The following CATSPERT variants were observed in gnomAD, a reference collection of about 807,000 sequenced individuals.
CATSPERT encodes cation channel sperm-associated targeting subunit tau.
the CATSPERT span, among the ~76,000 whole-genome samples, chr2:201,604,178 AG>A: frequency 6.6e-6 from 1 of 150,774 alleles, no homozygotes; most frequent in Non-Finnish European, 1.5e-5. Flanking sequence ...TGAAAGAGAG[AG>A]GGGGGTGTTT....
At chr2:201,508,438 G>T in the CATSPERT span, among the ~76,000 whole-genome samples, 2 of 152,084 alleles carry the variant, frequency 1.3e-5, no homozygotes, top group Non-Finnish European at 2.9e-5. Flanking sequence ...CTACAATTGT[G>T]GTTTTTTTCC....
chr2:201,575,301 T>C, the CATSPERT span: 1 of 1,594,116 alleles, frequency 6.3e-7, no homozygotes, highest in South Asian at 1.2e-5. Flanking sequence ...ATGCAACACT[T>C]GGACCTCTTC....
chr2:201,599,590 C>T, the CATSPERT span, among the ~76,000 whole-genome samples: 1 of 152,024 alleles, frequency 6.6e-6, no homozygotes, highest in African/African-American at 2.4e-5. Context: ...TTTTTAATTT[C>T]CCTGTAGTTA....
chr2:201,552,437 T>G, the CATSPERT span, among the ~76,000 whole-genome samples: 1 of 152,138 alleles, frequency 6.6e-6, no homozygotes, highest in African/African-American at 2.4e-5. Flanking sequence ...TAGATTGAGG[T>G]TGCCCACCAT....
chr2:201,601,249 C>T, the CATSPERT span, among the ~76,000 whole-genome samples: 5 of 146,610 alleles, frequency 3.4e-5, no homozygotes, highest in African/African-American at 1.3e-4. Context: ...GCCTCAGTTT[C>T]TTCATCCGTA....
chr2:201,494,728 G>T, the CATSPERT span: 1 of 1,518,110 alleles, frequency 6.6e-7, no homozygotes, highest in South Asian at 1.2e-5. Context: ...CCTTAGAAAA[G>T]GATCAAAACC....
chr2:201,540,904 T>C, the CATSPERT span, among the ~76,000 whole-genome samples: 1 of 152,206 alleles, frequency 6.6e-6, no homozygotes, highest in East Asian at 1.9e-4. Flanking sequence ...CTAGATGCCA[T>C]TAAGGACATT....
At chr2:201,602,169 GTATATGCAATATATAGTTGAAA>G in the CATSPERT span, among the ~76,000 whole-genome samples, 1 of 151,920 alleles carries the variant, frequency 6.6e-6, no homozygotes, top group African/African-American at 2.4e-5. Context: ...AGGTGACTAA[GTATATGCAATATATAGTTGAAA>G]TTTTTCCTAA....
the CATSPERT span, among the ~76,000 whole-genome samples, chr2:201,516,483 A>G: frequency 6.6e-6 from 1 of 152,040 alleles, no homozygotes; most frequent in African/African-American, 2.4e-5. Context: ...CTATCAGGAG[A>G]ACAGCACGGG....
At chr2:201,586,366 A>G in the CATSPERT span, among the ~76,000 whole-genome samples, 1 of 152,218 alleles carries the variant, frequency 6.6e-6, no homozygotes, top group African/African-American at 2.4e-5. Flanking sequence ...AGGAAAGAAG[A>G]AAAAAATAAT....
the CATSPERT span, among the ~76,000 whole-genome samples, chr2:201,608,387 AT>A: frequency 6.6e-6 from 1 of 152,072 alleles, no homozygotes; most frequent in Non-Finnish European, 1.5e-5. Flanking sequence ...TTTTTTTAAA[AT>A]TTTGGTAGAG....
the CATSPERT span, among the ~76,000 whole-genome samples, chr2:201,526,973 C>T: frequency 6.6e-6 from 1 of 152,124 alleles, no homozygotes; most frequent in African/African-American, 2.4e-5. Context: ...TCAAACTATC[C>T]CTTTTTGCAG....
chr2:201,491,022 C>A, the CATSPERT span: 5 of 712,658 alleles, frequency 7.0e-6, no homozygotes, highest in Non-Finnish European at 1.1e-5. Flanking sequence ...CACACCTGGT[C>A]TTTCAGAGGA....
the CATSPERT span, among the ~76,000 whole-genome samples, chr2:201,524,143 A>C: frequency 7.6e-4 from 115 of 152,282 alleles, 1 homozygote; most frequent in African/African-American, 2.6e-3. Flanking sequence ...AGACATATAG[A>C]TGACCATCCC....
chr2:201,547,580 A>C, the CATSPERT span: 2 of 1,534,470 alleles, frequency 1.3e-6, no homozygotes, highest in Non-Finnish European at 1.8e-6. Context: ...ATGTATTCAG[A>C]TTTCTATATT....
the CATSPERT span, among the ~76,000 whole-genome samples, chr2:201,512,982 A>C: frequency 6.6e-6 from 1 of 151,882 alleles, no homozygotes; most frequent in Non-Finnish European, 1.5e-5. Flanking sequence ...CCTAAAGCTA[A>C]ATGATGATTT....
At chr2:201,576,343 A>G in the CATSPERT span, among the ~76,000 whole-genome samples, 1 of 152,224 alleles carries the variant, frequency 6.6e-6, no homozygotes, top group Non-Finnish European at 1.5e-5. Context: ...TGACTATAAA[A>G]GATTAGGCTT....
the CATSPERT span, chr2:201,537,514 C>A: frequency 1.4e-6 from 2 of 1,450,636 alleles, no homozygotes; most frequent in Non-Finnish European, 1.9e-6. Context: ...TTTTATTTTA[C>A]ATAAAAACAA....
At chr2:201,602,670 C>T in the CATSPERT span, among the ~76,000 whole-genome samples, 1 of 152,018 alleles carries the variant, frequency 6.6e-6, no homozygotes, top group Non-Finnish European at 1.5e-5. Flanking sequence ...GCTTTTGTTA[C>T]TCTCACATCA....
Sources: gnomAD v4.1 joint callset for allele counts (sites outside exome capture counted in the v4.1 genomes callset) on GRCh38, gnomAD v4.1.1 for gene constraint, MANE v1.5 for transcripts, NCBI Gene and HGNC (gene_info 2026-07-23, HGNC 2026-07-21) for gene names.